Variants in NPAS3 observed in about 807,000 individuals in gnomAD.
NPAS3 encodes neuronal PAS domain protein 3.
NPAS3 carries 14 observed loss-of-function variants against 73.1 expected under a neutral mutation model. That is an observed-to-expected ratio of 0.19 (90% CI 0.13 to 0.30). The LOEUF (loss-of-function observed/expected upper bound fraction) is 0.30, where lower values mean the gene tolerates loss of function less well. Among genes scored for constraint, NPAS3 ranks in the 10% least tolerant of loss-of-function variants. NPAS3 has a pLI of 1.00. For synonymous variants in NPAS3, 620 were observed against 541.5 expected, an observed-to-expected ratio of 1.14 and a Z score of -2.01; for missense variants, 1,096 against 1,250.0, an observed-to-expected ratio of 0.88 and a Z score of 1.86.
At chr14:32,981,292 G>A (rs2037886276) in intron 1 of NPAS3, among the ~76,000 whole-genome samples, 1 of 152,174 alleles carries the variant, frequency 6.6e-6, no homozygotes, top group South Asian at 2.1e-4. Context: ...TAAAAATGAT[G>A]ATGATGACAA....
intron 3 of NPAS3, among the ~76,000 whole-genome samples, chr14:33,275,990 G>A (rs901118856): frequency 6.6e-6 from 1 of 151,876 alleles, no homozygotes; most frequent in African/African-American, 2.4e-5. Flanking sequence ...AAACACCAAG[G>A]GTACCTACAT....
intron 5 of NPAS3, among the ~76,000 whole-genome samples, chr14:33,609,550 G>T (rs78694519): frequency 6.7e-6 from 1 of 149,832 alleles, no homozygotes; most frequent in Non-Finnish European, 1.5e-5. Flanking sequence ...AAAAAAAAAA[G>T]GACGTGAACT....
At chr14:33,264,093 TA>T (rs1428932119) in intron 3 of NPAS3, among the ~76,000 whole-genome samples, 1 of 152,132 alleles carries the variant, frequency 6.6e-6, no homozygotes. Context: ...TATGCGGCCA[TA>T]AAAAATGATG....
intron 3 of NPAS3, among the ~76,000 whole-genome samples, chr14:33,292,425 T>G (rs2042138669): frequency 6.6e-6 from 1 of 152,166 alleles, no homozygotes; most frequent in African/African-American, 2.4e-5. Context: ...GTCTTCCTTG[T>G]GGCTAGTGTG....
rs113684769 is a variant in NPAS3, at chr14:33,100,921, T to G, written c.140+44927T>G. On this transcript the variant is annotated intron_variant, in intron 2 of 11. Transcript: ENST00000356141. ...TTACCTGAATATGTTTTTTTCACAT[T>G]ATTCTATAATGTGAGGCTGAACTTC... Among the ~76,000 whole-genome samples the G allele has an allele frequency of 6.0e-3, 918 of 152,300 alleles. 10 individuals carry two copies. Among genetic ancestry groups the G allele is most frequent in the African/African-American group, 0.021 (882 of 41,556 alleles).
chr14:33,366,600 T>C (rs779425879), intron 3 of NPAS3, among the ~76,000 whole-genome samples: 1 of 152,196 alleles, frequency 6.6e-6, no homozygotes, highest in African/African-American at 2.4e-5. Context: ...TAGTTTCACA[T>C]GAATATGCAG....
At chr14:33,542,392 G>T in intron 4 of NPAS3, among the ~76,000 whole-genome samples, 1 of 152,100 alleles carries the variant, frequency 6.6e-6, no homozygotes, top group South Asian at 2.1e-4. Context: ...CACGTCATCT[G>T]CCCTTCCTGA....
In NPAS3 at chr14:33,177,082, T is replaced by TATTATTATC. The variant is rs2045617709; in HGVS notation, c.141-38092_141-38091insCATTATTAT. Among the ~76,000 whole-genome samples the TATTATTATC allele has an allele frequency of 2.8e-5, 4 of 141,370 alleles. No homozygotes were observed. The South Asian group carries it at 6.4e-4, about 23-fold the overall frequency. The allele number at this position is 141,370 out of a possible 152,430, so 92.7% of individuals were successfully genotyped here. On this transcript the variant is annotated intron_variant, in intron 2 of 11. Coordinates refer to ENST00000356141, the Ensembl canonical transcript of NPAS3. ...AGGCTGTTTATCTTTTTATTATTAT[T>TATTATTATC]ATTATTATTATTATTATTATTATTA...
intron 6 of NPAS3, among the ~76,000 whole-genome samples, chr14:33,687,824 G>C (rs894895399): frequency 6.6e-6 from 1 of 152,140 alleles, no homozygotes; most frequent in African/African-American, 2.4e-5. Context: ...GGATGGGGTA[G>C]TTACCAAAAA....
chr14:33,255,263 A>G (rs2048735121), intron 3 of NPAS3, among the ~76,000 whole-genome samples: 1 of 152,170 alleles, frequency 6.6e-6, no homozygotes, highest in Admixed American at 6.5e-5. Context: ...AGTAATCAGA[A>G]GATACCCTGC....
chr14:33,401,266 G>A (rs1265623060), intron 4 of NPAS3, among the ~76,000 whole-genome samples: 1 of 152,012 alleles, frequency 6.6e-6, no homozygotes, highest in Non-Finnish European at 1.5e-5. Flanking sequence ...GTGTAGAATG[G>A]GGAATCTGCT....
Position 33,800,477 on chromosome 14 carries a change from G to C in NPAS3, c.2170G>C (p.Ala724Pro). The C allele has an allele frequency of 6.7e-7, 1 of 1,483,214 alleles. No individual in the cohort carries two copies. Among genetic ancestry groups the C allele is most frequent in the Non-Finnish European group, 8.9e-7 (1 of 1,123,144 alleles). 91.9% of individuals were successfully genotyped at this position (1,483,214 alleles called of 1,614,324 possible). A position where few individuals can be genotyped will look rare whatever the true frequency, so the allele number is the denominator to read the frequency against. The change falls in exon 12 of 12, where the codon GCG becomes CCG. Residue 724 changes from alanine to proline, a missense_variant. Transcript: ENST00000356141. This position sits in a 1 kb window ranked among gnomAD's most constrained non-coding sequence, Gnocchi z 6.5. ...CCTCACCCCGCCCGGCGCCGACGGC[G>C]CGGCCGCCCGCAAGACTCAGTTCGG...
chr14:33,775,342 G>A (rs898393066), intron 8 of NPAS3, among the ~76,000 whole-genome samples: 2 of 152,140 alleles, frequency 1.3e-5, no homozygotes, highest in African/African-American at 4.8e-5. Context: ...GGGTGCCACA[G>A]GGAGAAATAC....
chr14:33,121,053 T>C (rs1183824442), intron 2 of NPAS3, among the ~76,000 whole-genome samples: 1 of 152,118 alleles, frequency 6.6e-6, no homozygotes, highest in Non-Finnish European at 1.5e-5. Context: ...TGAATCCCTC[T>C]TCCTTTGTCT....
At position 33,275,084 on chromosome 14, in the gene NPAS3, A is replaced by G. The variant is rs538864119; in HGVS notation, c.385+59658A>G. On this transcript the variant is annotated intron_variant, in intron 3 of 11. Transcript: ENST00000356141. ...TGAGAAAACATGCTTCTCTTTAAAG[A>G]TCCAAGGGTAAGAGAGAAAATAAGA... 5.3e-5 allele frequency among the ~76,000 whole-genome samples: 8 copies of G among 152,316 alleles called. No homozygotes were observed. In the South Asian group the frequency reaches 1.7e-3, roughly 32 times the overall value.
intron 3 of NPAS3, among the ~76,000 whole-genome samples, chr14:33,362,618 G>A (rs564119801): frequency 5.9e-5 from 9 of 152,174 alleles, no homozygotes; most frequent in African/African-American, 2.2e-4. Context: ...CTTCCCCCAG[G>A]CTCAGTGTGG....
At chr14:32,970,844 C>G (rs2037389078) in intron 1 of NPAS3, among the ~76,000 whole-genome samples, 1 of 152,128 alleles carries the variant, frequency 6.6e-6, no homozygotes, top group Non-Finnish European at 1.5e-5. Flanking sequence ...ACTGGCCATA[C>G]TGGAATAGAA....
intron 3 of NPAS3, among the ~76,000 whole-genome samples, chr14:33,224,446 G>A (rs183508246): frequency 6.6e-6 from 1 of 152,144 alleles, no homozygotes; most frequent in East Asian, 1.9e-4. Context: ...TTTGAATATT[G>A]ATTGACTGCA....
At chr14:33,579,385 T>C (rs982817961) in intron 5 of NPAS3, among the ~76,000 whole-genome samples, 1 of 152,214 alleles carries the variant, frequency 6.6e-6, no homozygotes, top group African/African-American at 2.4e-5. Context: ...GGATGGGCAG[T>C]TGAATGATCT....
Sources: allele counts gnomAD v4.1 joint callset (sites outside exome capture counted in the v4.1 genomes callset), GRCh38; gene constraint gnomAD v4.1.1; non-coding constraint Gnocchi (gnomAD v3.1); transcripts MANE v1.5; gene names NCBI Gene and HGNC (gene_info 2026-07-23, HGNC 2026-07-21).